The following TMEM132B variants were observed in gnomAD, a reference collection of about 807,000 sequenced individuals.
TMEM132B encodes transmembrane protein 132B.
Under a neutral mutation model 90.8 loss-of-function variants are expected in TMEM132B, and 18 were observed. The ratio of observed to expected loss-of-function variants is 0.20; its 90% CI spans 0.14 to 0.29. The LOEUF (loss-of-function observed/expected upper bound fraction) is 0.29. Among genes scored for constraint, TMEM132B ranks in the 10% least tolerant of loss-of-function variants. TMEM132B has a pLI of 1.00. For missense variants in TMEM132B, 1,096 were observed against 1,326.8 expected (o/e 0.83, Z 2.70); for synonymous variants, 504 against 523.3 (o/e 0.96, Z 0.50).
chr12:125,538,689 T>C (rs1166589026), intron 4 of TMEM132B, among the ~76,000 whole-genome samples: 1 of 152,250 alleles, frequency 6.6e-6, no homozygotes, highest in African/African-American at 2.4e-5. Flanking sequence ...CCAGAGGCAT[T>C]CGTTTTTGAA....
At chr12:125,220,407 C>G (rs1345726110) in intron 1 of TMEM132B, among the ~76,000 whole-genome samples, 2 of 152,204 alleles carry the variant, frequency 1.3e-5, no homozygotes, top group African/African-American at 4.8e-5. Flanking sequence ...TGGCTGCAAA[C>G]CTTTAACAAG....
At chr12:125,485,971 T>C (rs1178497529) in intron 3 of TMEM132B, among the ~76,000 whole-genome samples, 17 of 152,214 alleles carry the variant, frequency 1.1e-4, no homozygotes. Context: ...GGCAAGAATG[T>C]TGGAATTGCC....
chr12:125,549,905 G>A (rs564242335), intron 4 of TMEM132B, among the ~76,000 whole-genome samples: 1 of 152,270 alleles, frequency 6.6e-6, no homozygotes, highest in African/African-American at 2.4e-5. Flanking sequence ...ACGAGCATGT[G>A]CCAGTTGTCA....
chr12:125,522,694 C>T (rs943296894), intron 4 of TMEM132B, among the ~76,000 whole-genome samples: 1 of 152,104 alleles, frequency 6.6e-6, no homozygotes, highest in Non-Finnish European at 1.5e-5. Flanking sequence ...TGCTGCTGGC[C>T]ACCATGAACT....
chr12:125,575,742 G>A (rs772459592), intron 4 of TMEM132B, among the ~76,000 whole-genome samples: 1 of 151,968 alleles, frequency 6.6e-6, no homozygotes, highest in Non-Finnish European at 1.5e-5. Context: ...TTTGAATGTG[G>A]TGTGAGGTAT....
chr12:125,576,966 C>CTT (rs113266697), intron 4 of TMEM132B, among the ~76,000 whole-genome samples: 9 of 136,010 alleles, frequency 6.6e-5, no homozygotes, highest in South Asian at 2.3e-4. Flanking sequence ...TGATGCCTTT[C>CTT]TTTTTTTTTT....
intron 5 of TMEM132B, among the ~76,000 whole-genome samples, chr12:125,628,398 G>A (rs1886283689): frequency 6.6e-6 from 1 of 152,140 alleles, no homozygotes; most frequent in African/African-American, 2.4e-5. Context: ...CTGATGATCA[G>A]TGATGTTGAA....
At chr12:125,389,882 A>G (rs7312370) in intron 2 of TMEM132B, among the ~76,000 whole-genome samples, 19,560 of 152,270 alleles carry the variant, frequency 0.13, 1,444 homozygotes, top group South Asian at 0.19. Flanking sequence ...AAAAGTTTAA[A>G]GAAAACTTTA....
intron 1 of TMEM132B, among the ~76,000 whole-genome samples, chr12:125,332,728 G>A (rs949829439): frequency 2.6e-5 from 4 of 151,034 alleles, no homozygotes; most frequent in Middle Eastern, 6.9e-3. Context: ...GTTTAAACAC[G>A]CTAAAAACTC....
intron 3 of TMEM132B, among the ~76,000 whole-genome samples, chr12:125,497,422 G>A (rs1650662807): frequency 6.6e-6 from 1 of 152,196 alleles, no homozygotes; most frequent in Admixed American, 6.5e-5. Context: ...CAAGGTATGG[G>A]GGCTTTCCTG....
chr12:125,497,646 G>A (rs999533359), intron 3 of TMEM132B, among the ~76,000 whole-genome samples: 8 of 152,082 alleles, frequency 5.3e-5, no homozygotes, highest in Admixed American at 5.2e-4. Flanking sequence ...GAAGTCATTC[G>A]GGCCCTCTTC....
intron 1 of TMEM132B, among the ~76,000 whole-genome samples, chr12:125,201,492 C>T (rs115788084): frequency 7.7e-4 from 118 of 152,356 alleles, no homozygotes; most frequent in African/African-American, 2.4e-3. Context: ...CACTTCCTGT[C>T]AGCTTTATAT....
chr12:125,435,715 G>C (rs1167319241), intron 3 of TMEM132B, among the ~76,000 whole-genome samples: 1 of 152,216 alleles, frequency 6.6e-6, no homozygotes. Flanking sequence ...GATAAGAATG[G>C]AGAATGCCGG....
intron 2 of TMEM132B, among the ~76,000 whole-genome samples, chr12:125,378,388 G>A (rs326373): frequency 0.63 from 96,564 of 152,096 alleles, 31,554 homozygotes; most frequent in East Asian, 0.95. Context: ...CAGTGCCTCA[G>A]TCAAGCAGGG....
chr12:125,291,690 A>G (rs1247523281), intron 1 of TMEM132B, among the ~76,000 whole-genome samples: 1 of 152,180 alleles, frequency 6.6e-6, no homozygotes, highest in Non-Finnish European at 1.5e-5. Context: ...CCTTGCAAGA[A>G]TCTGAGCAGA....
intron 1 of TMEM132B, among the ~76,000 whole-genome samples, chr12:125,314,246 G>A (rs570815913): frequency 2.2e-4 from 33 of 152,254 alleles, no homozygotes; most frequent in African/African-American, 6.5e-4. Context: ...CTGTGTGGGC[G>A]TCTGGAAACA....
chr12:125,278,070 T>A (rs1018789197), intron 1 of TMEM132B, among the ~76,000 whole-genome samples: 1 of 152,150 alleles, frequency 6.6e-6, no homozygotes, highest in Non-Finnish European at 1.5e-5. Flanking sequence ...GGGATGGAAG[T>A]GTTGGAAAGA....
chr12:125,471,901 G>A (rs1190866237), intron 3 of TMEM132B, among the ~76,000 whole-genome samples: 1 of 152,182 alleles, frequency 6.6e-6, no homozygotes, highest in African/African-American at 2.4e-5. Context: ...TCATTTCTTG[G>A]TCTGATTCCA....
At chr12:125,500,262 G>A (rs1882664035) in intron 3 of TMEM132B, among the ~76,000 whole-genome samples, 3 of 152,218 alleles carry the variant, frequency 2.0e-5, no homozygotes, top group Non-Finnish European at 4.4e-5. Context: ...TATCTAAGCA[G>A]AATGTCTCAG....
Sources: gnomAD v4.1 joint callset for allele counts (sites outside exome capture counted in the v4.1 genomes callset) on GRCh38, gnomAD v4.1.1 for gene constraint, MANE v1.5 for transcripts, NCBI Gene and HGNC (gene_info 2026-07-23, HGNC 2026-07-21) for gene names.